The following CFAP20DC variants were observed in gnomAD, a reference collection of about 807,000 sequenced individuals.
The protein encoded by CFAP20DC is CFAP20 domain containing.
Under a neutral mutation model 101.7 loss-of-function variants are expected in CFAP20DC, and 84 were observed. That is an observed-to-expected ratio of 0.83 (90% CI 0.69 to 0.99). The LOEUF is 0.99. Ranked by LOEUF, CFAP20DC falls within the 50% of genes least tolerant of loss-of-function variation. The pLI is 0.00. For synonymous variants in CFAP20DC, 359 were observed against 351.2 expected (o/e 1.02, Z -0.25); for missense variants, 1,007 against 970.3 (o/e 1.04, Z -0.50).
chr3:58,828,201 A>T (rs1171225224), intron 14 of CFAP20DC, among the ~76,000 whole-genome samples: 1 of 152,214 alleles, frequency 6.6e-6, no homozygotes, highest in African/African-American at 2.4e-5. Context: ...TGAAGAGATC[A>T]GATCAGATCA....
At chr3:58,738,780 T>C (rs1157225975), downstream of CFAP20DC, among the ~76,000 whole-genome samples, 1 of 152,184 alleles carries the variant, frequency 6.6e-6, no homozygotes, top group Non-Finnish European at 1.5e-5. The surrounding 1 kb of genome is among the most constrained non-coding windows in gnomAD (Gnocchi z 4.4). Context: ...TTTTCATTAT[T>C]CTGGCCATTT....
chr3:58,871,531 CTTTTT>C (rs951056591), intron 7 of CFAP20DC, among the ~76,000 whole-genome samples: 1 of 136,164 alleles, frequency 7.3e-6, no homozygotes, highest in African/African-American at 2.7e-5. Context: ...TCCGACTTTT[CTTTTT>C]TTTTTTTTTT....
intron 4 of CFAP20DC, among the ~76,000 whole-genome samples, chr3:59,026,485 A>G (rs772977950): frequency 2.6e-5 from 4 of 152,200 alleles, no homozygotes; most frequent in Non-Finnish European, 4.4e-5. Context: ...ATGACCAAAA[A>G]GATAAGAAAG....
At chr3:59,046,714 T>C (rs1699892735) in intron 2 of CFAP20DC, among the ~76,000 whole-genome samples, 1 of 152,180 alleles carries the variant, frequency 6.6e-6, no homozygotes, top group Admixed American at 6.5e-5. Context: ...GTGGAGTAAT[T>C]GAGCAAGCGA....
chr3:58,811,295 C>G (rs922506027), intron 14 of CFAP20DC, among the ~76,000 whole-genome samples: 3 of 152,282 alleles, frequency 2.0e-5, no homozygotes, highest in Admixed American at 6.5e-5. Context: ...CGTTACCTGA[C>G]TGCAAAGTAT....
chr3:58,969,499 C>T (rs553225324), intron 4 of CFAP20DC, among the ~76,000 whole-genome samples: 4 of 152,192 alleles, frequency 2.6e-5, no homozygotes, highest in Admixed American at 6.6e-5. Context: ...AAACATATGT[C>T]CACACACAAA....
chr3:59,031,339 G>GAAGAAT, intron 4 of CFAP20DC, among the ~76,000 whole-genome samples: 1 of 152,272 alleles, frequency 6.6e-6, no homozygotes, highest in East Asian at 1.9e-4. Flanking sequence ...AGGGAGATAA[G>GAAGAAT]AAGAATAACT....
chr3:58,942,675 AG>A (rs2088786905), intron 4 of CFAP20DC, among the ~76,000 whole-genome samples: 1 of 152,200 alleles, frequency 6.6e-6, no homozygotes, highest in African/African-American at 2.4e-5. Context: ...AGCTAGCTGC[AG>A]GAGTCTTTTT....
At chr3:58,745,328 G>T (rs1487178662) in intron 16 of CFAP20DC, among the ~76,000 whole-genome samples, 1 of 152,172 alleles carries the variant, frequency 6.6e-6, no homozygotes, top group African/African-American at 2.4e-5. Flanking sequence ...ATGTGATTGA[G>T]CTGGGCATAG....
chr3:59,049,775 A>G lies in CFAP20DC; in HGVS notation c.-144T>C, dbSNP rs1576841295. 1 of 985,374 alleles carries G rather than the reference A, an allele frequency of 1.0e-6. No homozygotes were observed. The highest frequency in any genetic ancestry group is 1.5e-6 in the Non-Finnish European group (1 of 681,690). The allele number at this position is 985,374 out of a possible 1,614,324, so 61.0% of individuals were successfully genotyped here. A position where few individuals can be genotyped will look rare whatever the true frequency, so the allele number is the denominator to read the frequency against. ...CTTCGTGCTTGGCCCAGACTTGGGC[A>G]GGCTCTTCTCAGCCCCTCCGGCCCC... On this transcript the variant is annotated 5_prime_UTR_variant, in exon 1 of 17. Transcript: ENST00000482387.
chr3:59,049,217 C>A (rs934741827), intron 1 of CFAP20DC, among the ~76,000 whole-genome samples: 1 of 152,218 alleles, frequency 6.6e-6, no homozygotes, highest in Non-Finnish European at 1.5e-5. Context: ...CTCATTCACT[C>A]TTCTAAATCG....
chr3:58,879,023 A>C (rs574867441), intron 7 of CFAP20DC, among the ~76,000 whole-genome samples: 1 of 151,990 alleles, frequency 6.6e-6, no homozygotes, highest in Non-Finnish European at 1.5e-5. Context: ...AAAAAAAAAA[A>C]CAAAAGAATG....
chr3:59,007,695 T>G lies in CFAP20DC; in HGVS notation c.278+31862A>C, dbSNP rs146818841. On this transcript the variant is annotated intron_variant, in intron 4 of 16. Transcript: ENST00000482387. The surrounding 1 kb of genome is among the most constrained non-coding windows in gnomAD (Gnocchi z 4.4). ...ACGACAGATCACATCACAGGACTCT[T>G]TGCAGACATTCCCCAGCAGCAGTCT... Among the ~76,000 whole-genome samples the G allele has an allele frequency of 6.1e-3, 932 of 152,278 alleles. 5 individuals carry two copies. Among genetic ancestry groups the G allele is most frequent in the Non-Finnish European group, 9.4e-3 (641 of 68,020 alleles).
At chr3:58,838,749 C>T (rs1434395384) in intron 13 of CFAP20DC, among the ~76,000 whole-genome samples, 5 of 152,100 alleles carry the variant, frequency 3.3e-5, no homozygotes, top group Non-Finnish European at 7.4e-5. Context: ...TCTTATTAAC[C>T]TTAAAGTGAA....
intron 5 of CFAP20DC, among the ~76,000 whole-genome samples, chr3:58,919,377 T>C (rs753424375): frequency 3.9e-5 from 6 of 152,214 alleles, no homozygotes; most frequent in Non-Finnish European, 4.4e-5. Context: ...AGCTGTTGTT[T>C]ATTGGTATCT....
In CFAP20DC at chr3:59,008,215, A is replaced by C. The variant is rs991034420; in HGVS notation, c.278+31342T>G. 2.6e-5 allele frequency among the ~76,000 whole-genome samples: 4 copies of C among 152,206 alleles called. No individual in the cohort carries two copies. In the East Asian group the frequency reaches 7.7e-4, roughly 29 times the overall value. Reference sequence around the variant, plus strand: ...CATCAACATTCCTACAGATGAAAAGAGATGCCTGTCTGATGTGAATAGCTA... The same window carrying C: ...CATCAACATTCCTACAGATGAAAAGCGATGCCTGTCTGATGTGAATAGCTA... On this transcript the variant is annotated intron_variant, in intron 4 of 16. Transcript: ENST00000482387.
At chr3:58,930,135 G>A (rs368348257) in intron 5 of CFAP20DC, among the ~76,000 whole-genome samples, 4 of 152,124 alleles carry the variant, frequency 2.6e-5, no homozygotes, top group African/African-American at 9.7e-5. Flanking sequence ...TGCTCTCACA[G>A]AATGTACCAC....
chr3:58,789,526 T>G (rs564770847), intron 15 of CFAP20DC, among the ~76,000 whole-genome samples: 1 of 152,330 alleles, frequency 6.6e-6, no homozygotes, highest in South Asian at 2.1e-4. Flanking sequence ...AAAAAGGCTC[T>G]GTGAGGTGAA....
At chr3:58,797,011 C>G (rs1575664635) in intron 15 of CFAP20DC, among the ~76,000 whole-genome samples, 1 of 152,142 alleles carries the variant, frequency 6.6e-6, no homozygotes, top group East Asian at 1.9e-4. Context: ...AACCATTCAT[C>G]CCATCTCTCT....
Sources: allele counts gnomAD v4.1 joint callset (sites outside exome capture counted in the v4.1 genomes callset), GRCh38; gene constraint gnomAD v4.1.1; non-coding constraint Gnocchi (gnomAD v3.1); transcripts MANE v1.5; gene names NCBI Gene and HGNC (gene_info 2026-07-23, HGNC 2026-07-21).